Variants in DSCAML1 observed in about 807,000 individuals in gnomAD.
DSCAML1 encodes the protein DS cell adhesion molecule like 1.
A neutral mutation model predicts 200.5 loss-of-function variants in DSCAML1; 38 were observed. The observed-to-expected ratio is 0.19, with a 90% CI of 0.15 to 0.25. The LOEUF (loss-of-function observed/expected upper bound fraction) is 0.25. Among genes scored for constraint, DSCAML1 ranks in the 10% least tolerant of loss-of-function variants. The probability of loss-of-function intolerance (pLI) is 1.00; values close to 1 mark genes in which losing one functional copy is unlikely to be tolerated. For missense variants in DSCAML1, 2,223 were observed against 2,858.8 expected, an observed-to-expected ratio of 0.78 and a Z score of 5.07; for synonymous variants, 1,215 against 1,165.0, an observed-to-expected ratio of 1.04 and a Z score of -0.87.
intron 3 of DSCAML1, among the ~76,000 whole-genome samples, chr11:117,580,388 G>C (rs1475191717): frequency 1.4e-4 from 21 of 152,192 alleles, no homozygotes; most frequent in Admixed American, 1.4e-3. Flanking sequence ...GTTTGGAAGA[G>C]GTTTACTCTG....
At chr11:117,603,141 G>A (rs1001157809) in intron 3 of DSCAML1, among the ~76,000 whole-genome samples, 1 of 152,118 alleles carries the variant, frequency 6.6e-6, no homozygotes, top group African/African-American at 2.4e-5. Context: ...ACCAATCAGA[G>A]ACCAGTGCAA....
chr11:117,663,441 G>A (rs2052904994), intron 3 of DSCAML1, among the ~76,000 whole-genome samples: 1 of 152,094 alleles, frequency 6.6e-6, no homozygotes, highest in South Asian at 2.1e-4. Flanking sequence ...GCATCCCTCT[G>A]GGAGCTCTTC....
chr11:117,441,584 C>A (rs1004236313), intron 21 of DSCAML1, among the ~76,000 whole-genome samples: 1 of 152,008 alleles, frequency 6.6e-6, no homozygotes, highest in African/African-American at 2.4e-5. Context: ...CCTGGGAGAT[C>A]GCCAGGCCCA....
At chr11:117,512,586 G>A (rs1467974276) in intron 8 of DSCAML1, among the ~76,000 whole-genome samples, 1 of 151,846 alleles carries the variant, frequency 6.6e-6, no homozygotes, top group Non-Finnish European at 1.5e-5. Context: ...CTGGATTTCT[G>A]GGATTTTTTC....
chr11:117,615,621 C>A (rs1849605558), intron 3 of DSCAML1, among the ~76,000 whole-genome samples: 1 of 151,972 alleles, frequency 6.6e-6, no homozygotes, highest in African/African-American at 2.4e-5. Context: ...TCCTCATTCC[C>A]AGTGAAACAA....
Position 117,497,948 on chromosome 11 carries a change from A to G in DSCAML1, c.2359+5897T>C, listed in dbSNP as rs117288624. Among the ~76,000 whole-genome samples, 41 of 152,346 alleles carry G rather than the reference A, an allele frequency of 2.7e-4. 2 individuals are homozygous for G. In the East Asian group the frequency reaches 7.5e-3, roughly 28 times the overall value. On this transcript the variant is annotated intron_variant, in intron 11 of 32. Transcript: ENST00000651296. Reference sequence around the variant, plus strand: ...CATCCCGTCCCCCACTCGCCCAATCAGGGGGACTCACAAGGGGAGAAGGGA... The same window carrying G: ...CATCCCGTCCCCCACTCGCCCAATCGGGGGGACTCACAAGGGGAGAAGGGA...
At chr11:117,751,539 G>C (rs1176086752) in intron 3 of DSCAML1, among the ~76,000 whole-genome samples, 2 of 151,976 alleles carry the variant, frequency 1.3e-5, no homozygotes, top group African/African-American at 4.8e-5. Flanking sequence ...CTCGGGGCTT[G>C]GACAGGAAGA....
At chr11:117,561,085 T>C (rs891797628) in intron 3 of DSCAML1, among the ~76,000 whole-genome samples, 3 of 152,198 alleles carry the variant, frequency 2.0e-5, no homozygotes, top group Non-Finnish European at 4.4e-5. Context: ...CCCCAGGCTG[T>C]TGTGGACACA....
At chr11:117,753,035 G>A (rs541523964) in intron 3 of DSCAML1, among the ~76,000 whole-genome samples, 1 of 152,038 alleles carries the variant, frequency 6.6e-6, no homozygotes, top group African/African-American at 2.4e-5. Flanking sequence ...TAACTGCACG[G>A]ACTTGGAGGG....
intron 3 of DSCAML1, among the ~76,000 whole-genome samples, chr11:117,669,311 G>T (rs2053051644): frequency 6.6e-6 from 1 of 152,228 alleles, no homozygotes; most frequent in Non-Finnish European, 1.5e-5. Context: ...TGGTCTGGGG[G>T]ACGGGCCCTC....
chr11:117,796,994 C>A (rs558972028), intron 1 of DSCAML1, 40 bp downstream of exon 1: 2 of 1,343,058 alleles, frequency 1.5e-6, no homozygotes, highest in Non-Finnish European at 1.9e-6. Context: ...CCACCCTGGC[C>A]CCGCCGCCTC....
intron 3 of DSCAML1, among the ~76,000 whole-genome samples, chr11:117,747,549 T>C (rs2054537778): frequency 6.6e-6 from 1 of 152,030 alleles, no homozygotes; most frequent in South Asian, 2.1e-4. Flanking sequence ...TATTTACAAA[T>C]AAATGCAGGA....
At chr11:117,439,480 C>T (rs764422274) in intron 22 of DSCAML1, 51 bp from the exon 23 acceptor site, 2 of 1,581,464 alleles carry the variant, frequency 1.3e-6, no homozygotes, top group Non-Finnish European at 8.6e-7. Context: ...ACCCCTTCCT[C>T]CTGAGGCCCT....
intron 3 of DSCAML1, among the ~76,000 whole-genome samples, chr11:117,563,639 C>CTTGT (rs1156704586): frequency 6.6e-6 from 1 of 152,108 alleles, no homozygotes; most frequent in Non-Finnish European, 1.5e-5. Flanking sequence ...TTCACTTTCT[C>CTTGT]TTGTTTGGAA....
intron 3 of DSCAML1, among the ~76,000 whole-genome samples, chr11:117,737,009 G>A (rs761073336): frequency 1.3e-5 from 2 of 152,130 alleles, no homozygotes; most frequent in African/African-American, 2.4e-5. Context: ...GTCAAGCACC[G>A]GCACACAGCA....
intron 3 of DSCAML1, among the ~76,000 whole-genome samples, chr11:117,759,198 G>A (rs1239415741): frequency 6.6e-6 from 1 of 152,116 alleles, no homozygotes; most frequent in Admixed American, 6.5e-5. Flanking sequence ...GAAATACCCA[G>A]GGCATTAGGC....
chr11:117,545,014 G>A (rs117059297), intron 3 of DSCAML1, among the ~76,000 whole-genome samples: 12 of 152,084 alleles, frequency 7.9e-5, no homozygotes, highest in East Asian at 1.9e-4. Flanking sequence ...GGTGGATCAC[G>A]ATGTCGGGAG....
At chr11:117,809,666 A>T (rs780539611) in intron 1 of DSCAML1, among the ~76,000 whole-genome samples, 8 of 152,118 alleles carry the variant, frequency 5.3e-5, no homozygotes, top group Non-Finnish European at 1.2e-4. Context: ...TCTAAGAACT[A>T]CTGGAGGGGA....
chr11:117,528,939 C>G (rs552329555), intron 4 of DSCAML1, among the ~76,000 whole-genome samples: 136 of 151,498 alleles, frequency 9.0e-4, no homozygotes, highest in South Asian at 3.4e-3. Context: ...CCCGCCCCCC[C>G]CCTTGGGAAT....
Sources: allele counts gnomAD v4.1 joint callset (sites outside exome capture counted in the v4.1 genomes callset), GRCh38; gene constraint gnomAD v4.1.1; transcripts MANE v1.5; gene names NCBI Gene and HGNC (gene_info 2026-07-23, HGNC 2026-07-21).